Variants in CNTNAP2 observed in about 807,000 individuals in gnomAD.
The protein encoded by CNTNAP2 is contactin-associated protein-like 2.
In CNTNAP2, 98 loss-of-function variants were observed where a neutral mutation model predicts 155.2. The observed-to-expected ratio is 0.63, with a 90% CI of 0.54 to 0.75. The LOEUF is 0.75. CNTNAP2 is among the 30% of genes least tolerant of loss of function. The pLI is 0.00. For missense variants in CNTNAP2, 1,727 were observed against 1,688.1 expected (o/e 1.02, Z -0.40); for synonymous variants, 651 against 631.2 (o/e 1.03, Z -0.47).
intron 20 of CNTNAP2, among the ~76,000 whole-genome samples, chr7:148,255,983 G>A (rs1338157875): frequency 6.6e-6 from 1 of 152,118 alleles, no homozygotes; most frequent in Non-Finnish European, 1.5e-5. Flanking sequence ...TGAAAAGATG[G>A]TGATAAACTA....
chr7:147,624,429 T>C (rs1794931450), intron 12 of CNTNAP2, among the ~76,000 whole-genome samples: 1 of 152,006 alleles, frequency 6.6e-6, no homozygotes, highest in Admixed American at 6.6e-5. Flanking sequence ...TTTAATAATA[T>C]GTTTCAATAA....
intron 1 of CNTNAP2, among the ~76,000 whole-genome samples, chr7:146,127,435 C>A (rs1337982050): frequency 6.6e-6 from 1 of 152,058 alleles, no homozygotes; most frequent in African/African-American, 2.4e-5. Flanking sequence ...GAGAAATTAC[C>A]CCATAGTATC....
At chr7:148,107,049 G>A (rs1804239376) in intron 15 of CNTNAP2, among the ~76,000 whole-genome samples, 1 of 152,146 alleles carries the variant, frequency 6.6e-6, no homozygotes, top group Admixed American at 6.5e-5. Context: ...TGGAGAGCCT[G>A]AAGAGCTTCA....
At chr7:148,340,409 G>A (rs1798207779) in intron 21 of CNTNAP2, among the ~76,000 whole-genome samples, 1 of 152,172 alleles carries the variant, frequency 6.6e-6, no homozygotes, top group Admixed American at 6.5e-5. Flanking sequence ...TGTCCCTAAG[G>A]AGTAAAAATA....
chr7:146,848,206 C>G (rs1297858010), intron 3 of CNTNAP2, among the ~76,000 whole-genome samples: 1 of 152,150 alleles, frequency 6.6e-6, no homozygotes, highest in Admixed American at 6.5e-5. Context: ...TATATACCTC[C>G]AAGATAGAGT....
At chr7:147,080,860 T>C (rs867473815) in intron 4 of CNTNAP2, 5 of 151,678 alleles carry the variant, frequency 3.3e-5, no homozygotes, top group African/African-American at 1.2e-4. Flanking sequence ...CTCACCAATA[T>C]TGACTCTGGC....
chr7:146,893,455 G>T (rs149848757), intron 3 of CNTNAP2, among the ~76,000 whole-genome samples: 1 of 137,764 alleles, frequency 7.3e-6, no homozygotes, highest in East Asian at 2.1e-4. Context: ...ATATATGTGT[G>T]TGTGTATATA....
At chr7:147,408,674 T>C (rs868650613) in intron 10 of CNTNAP2, among the ~76,000 whole-genome samples, 23 of 151,992 alleles carry the variant, frequency 1.5e-4, no homozygotes, top group African/African-American at 5.6e-4. Flanking sequence ...AGGAGAATGG[T>C]GTGAACCCGG....
intron 9 of CNTNAP2, among the ~76,000 whole-genome samples, chr7:147,315,051 A>G (rs1917598): frequency 0.5 from 74,367 of 147,706 alleles, 20,715 homozygotes; most frequent in East Asian, 0.73. Flanking sequence ...CTAAGATAAT[A>G]CATGTTTCAT....
chr7:147,277,739 C>T (rs1458261654), intron 8 of CNTNAP2, among the ~76,000 whole-genome samples: 1 of 151,442 alleles, frequency 6.6e-6, no homozygotes, highest in African/African-American at 2.4e-5. Context: ...CCATTTCTTC[C>T]GTCTATAAAG....
intron 8 of CNTNAP2, among the ~76,000 whole-genome samples, chr7:147,168,115 A>G (rs951428045): frequency 6.7e-6 from 1 of 149,048 alleles, no homozygotes; most frequent in African/African-American, 2.4e-5. Flanking sequence ...TATATCTATG[A>G]CATTAGACAT....
chr7:148,062,028 A>AGTGTGTGTGTGTGT (rs199528714), intron 15 of CNTNAP2, among the ~76,000 whole-genome samples: 3 of 105,980 alleles, frequency 2.8e-5, no homozygotes, highest in African/African-American at 7.1e-5. Context: ...AGAGAGAGAG[A>AGTGTGTGTGTGTGT]GTGTGTGTGT....
intron 3 of CNTNAP2, among the ~76,000 whole-genome samples, chr7:146,997,605 T>C (rs1020595261): frequency 5.3e-5 from 8 of 152,158 alleles, no homozygotes; most frequent in African/African-American, 1.7e-4. Context: ...CTGTTTCAAT[T>C]TTTTAGAAAA....
At chr7:148,110,912 A>C (rs897075705) in intron 15 of CNTNAP2, among the ~76,000 whole-genome samples, 1 of 152,220 alleles carries the variant, frequency 6.6e-6, no homozygotes, top group African/African-American at 2.4e-5. Flanking sequence ...TCTTCCTGTC[A>C]GCTTCCCAAG....
intron 22 of CNTNAP2, among the ~76,000 whole-genome samples, chr7:148,387,953 A>G (rs1489491152): frequency 6.6e-6 from 1 of 151,896 alleles, no homozygotes; most frequent in East Asian, 1.9e-4. Flanking sequence ...TCACTGCTAC[A>G]CTCCCATCAG....
intron 1 of CNTNAP2, among the ~76,000 whole-genome samples, chr7:146,131,695 AT>A (rs1797716484): frequency 6.6e-6 from 1 of 152,196 alleles, no homozygotes; most frequent in South Asian, 2.1e-4. Context: ...GCTTCATCTA[AT>A]TTGACATAAA....
At chr7:148,340,966 C>A (rs368826711) in intron 21 of CNTNAP2, among the ~76,000 whole-genome samples, 3 of 152,224 alleles carry the variant, frequency 2.0e-5, no homozygotes, top group Admixed American at 2.0e-4. Context: ...ATTTCACAAA[C>A]GGGAGGTCTA....
intron 1 of CNTNAP2, among the ~76,000 whole-genome samples, chr7:146,572,063 A>G (rs748347119): frequency 6.6e-6 from 1 of 152,160 alleles, no homozygotes; most frequent in Non-Finnish European, 1.5e-5. Flanking sequence ...TTGCTTGGAA[A>G]AATATATTCT....
At chr7:146,493,331 A>G (rs1488599620) in intron 1 of CNTNAP2, among the ~76,000 whole-genome samples, 2 of 152,206 alleles carry the variant, frequency 1.3e-5, no homozygotes, top group African/African-American at 4.8e-5. Flanking sequence ...GAAAAATTCT[A>G]TAGCGCAGAA....
Sources: gnomAD v4.1 joint callset for allele counts (sites outside exome capture counted in the v4.1 genomes callset) on GRCh38, gnomAD v4.1.1 for gene constraint, MANE v1.5 for transcripts, NCBI Gene and HGNC (gene_info 2026-07-23, HGNC 2026-07-21) for gene names.